Variants in GINS2 observed in about 807,000 individuals in gnomAD.
The protein encoded by GINS2 is GINS complex subunit 2.
A neutral mutation model predicts 21.2 loss-of-function variants in GINS2; 23 were observed. The observed-to-expected ratio is 1.08, with a 90% confidence interval of 0.78 to 1.53. GINS2 has a LOEUF of 1.53. Among genes scored for constraint, GINS2 ranks in the 40% most tolerant of loss-of-function variants. The probability of loss-of-function intolerance (pLI) is 0.00; values close to 1 mark genes in which losing one functional copy is unlikely to be tolerated. For missense variants in GINS2, 323 were observed against 233.9 expected (o/e 1.38, Z -2.49); for synonymous variants, 118 against 85.6 (o/e 1.38, Z -2.09).
intron 3 of GINS2, among the ~76,000 whole-genome samples, chr16:85,680,182 G>A (rs890168572): frequency 3.3e-5 from 5 of 152,152 alleles, no homozygotes; most frequent in Non-Finnish European, 4.4e-5. Context: ...TGGGACAAAC[G>A]CCACTGCCGA....
chr16:85,687,721 G>C, intron 1 of GINS2, 147 bp from the exon 2 acceptor site: 8 of 535,160 alleles, frequency 1.5e-5, no homozygotes, highest in South Asian at 1.4e-4. Context: ...ACCAGACTCA[G>C]AACAAAGCGC....
intron 2 of GINS2, among the ~76,000 whole-genome samples, chr16:85,686,213 GACCA>G (rs1340635307): frequency 6.6e-6 from 1 of 152,132 alleles, no homozygotes; most frequent in African/African-American, 2.4e-5. Context: ...AGGAGATTGA[GACCA>G]ACCTGGCTAA....
At chr16:85,688,711 G>C (rs1344092940) in intron 1 of GINS2, 98 bp downstream of exon 1, 2 of 559,388 alleles carry the variant, frequency 3.6e-6, no homozygotes, top group Non-Finnish European at 5.9e-6. Flanking sequence ...GCAGATGCGG[G>C]AGCAGGGCGA....
chr16:85,688,388 A>C (rs1315958676), intron 1 of GINS2, among the ~76,000 whole-genome samples: 1 of 151,188 alleles, frequency 6.6e-6, no homozygotes, highest in Non-Finnish European at 1.5e-5. Flanking sequence ...TCTACCAAAA[A>C]TACAAAAATG....
In GINS2 at chr16:85,678,654, G is replaced by A. The variant is rs747349450; in HGVS notation, c.318C>T (p.Asn106=). 21 of 1,613,604 alleles carry A rather than the reference G, an allele frequency of 1.3e-5. No homozygotes were observed. The highest frequency in any genetic ancestry group is 3.3e-4 in the Middle Eastern group (2 of 6,084). The change falls in exon 4 of 5, where the codon AAC becomes AAT. Residue 106 remains asparagine, a synonymous_variant. Coordinates refer to ENST00000253462, the MANE Select transcript of GINS2 (RefSeq NM_016095.3). The part of the protein sequence containing the change: ...TKLLLNHASD[N]IPKADEIRTL... Reference sequence around the variant, plus strand: ...TCCGGATTTCGTCTGCCTTCGGGATGTTGTCTGAAGCACTAAAGGAGCAAG... The same window carrying A: ...TCCGGATTTCGTCTGCCTTCGGGATATTGTCTGAAGCACTAAAGGAGCAAG...
chr16:85,686,745 A>T (rs1189322897), intron 2 of GINS2, among the ~76,000 whole-genome samples: 2 of 152,266 alleles, frequency 1.3e-5, no homozygotes, highest in Non-Finnish European at 2.9e-5. Flanking sequence ...TCATCCACGC[A>T]GTAGCATGTA....
In GINS2 at chr16:85,679,131, C is replaced by G. The variant is rs79995374; in HGVS notation, c.306-465G>C. Among the ~76,000 whole-genome samples, 65 of 152,330 alleles carry G rather than the reference C, an allele frequency of 4.3e-4. 1 individual carries two copies. Among genetic ancestry groups the G allele is most frequent in the African/African-American group, 1.5e-3 (62 of 41,564 alleles). On this transcript the variant is annotated intron_variant, in intron 3 of 4. Transcript: ENST00000253462. ...AGCCTAGAGAAGGAAAACGCCAACTCCATGCCAGGTACTGGGCTCAGCACT... is the reference window on the plus strand; with the variant it reads ...AGCCTAGAGAAGGAAAACGCCAACTGCATGCCAGGTACTGGGCTCAGCACT...
At chr16:85,687,633 T>A in intron 1 of GINS2, 59 bp from the exon 2 acceptor site, 1 of 945,722 alleles carries the variant, frequency 1.1e-6, no homozygotes, top group Non-Finnish European at 1.6e-6. Flanking sequence ...AGCATTACTG[T>A]GCGTTACTGC....
At chr16:85,680,571 C>T (rs191255850) in intron 3 of GINS2, among the ~76,000 whole-genome samples, 6 of 152,124 alleles carry the variant, frequency 3.9e-5, no homozygotes, top group African/African-American at 7.2e-5. Context: ...CATATGCATA[C>T]GAGACCCAGC....
intron 2 of GINS2, among the ~76,000 whole-genome samples, chr16:85,681,937 G>C (rs1258883100): frequency 1.3e-5 from 2 of 151,348 alleles, no homozygotes; most frequent in African/African-American, 4.9e-5. Flanking sequence ...AACAATGTTA[G>C]AGTCAAAAGT....
chr16:85,680,600 G>T (rs1310182227), intron 3 of GINS2, among the ~76,000 whole-genome samples: 1 of 151,952 alleles, frequency 6.6e-6, no homozygotes, highest in East Asian at 1.9e-4. Context: ...ATTTAGAATG[G>T]GTACATGTGA....
At position 85,676,884 on chromosome 16, in the gene GINS2, G is replaced by C. The variant is rs759651718; in HGVS notation, c.*1328C>G. The C allele has an allele frequency of 6.6e-6, 1 of 152,178 alleles. No homozygotes were observed. The highest frequency in any genetic ancestry group is 6.5e-5 in the Admixed American group (1 of 15,280). 9.4% of individuals were successfully genotyped at this position (152,178 alleles called of 1,614,324 possible). ...AAAAGTTAAAATTTTTTTTGTTTGA[G>C]ACAGAGTCTTGCTCTCGTTGCCCAG... On this transcript the variant is annotated 3_prime_UTR_variant, in exon 5 of 5. Transcript: ENST00000253462.
Position 85,687,570 on chromosome 16 carries a change from T to TC in GINS2, c.94dup (p.Asp32GlyfsTer6). 1 of 1,544,718 alleles carries TC rather than the reference T, an allele frequency of 6.5e-7. No individual in the cohort carries two copies. Among genetic ancestry groups the TC allele is most frequent in the Non-Finnish European group, 8.7e-7 (1 of 1,147,326 alleles). ...TAAACCAGGGTTAAAAGGCCCCAGG[T>TC]CCCCCTGCCAAAAGTAAAACAATTC... On this transcript the variant is annotated frameshift_variant, in exon 2 of 5. Transcript: ENST00000253462. LOFTEE classifies it high-confidence loss of function.
At chr16:85,678,991 C>A (rs772913776) in intron 3 of GINS2, among the ~76,000 whole-genome samples, 1 of 152,192 alleles carries the variant, frequency 6.6e-6, no homozygotes, top group African/African-American at 2.4e-5. Context: ...GCTGCCTAAC[C>A]TCCATCTACA....
At chr16:85,679,271 G>A (rs917698584) in intron 3 of GINS2, among the ~76,000 whole-genome samples, 1 of 152,224 alleles carries the variant, frequency 6.6e-6, no homozygotes, top group Admixed American at 6.5e-5. Context: ...TTAGTATACA[G>A]TGAGCACACC....
chr16:85,678,625 AG>A lies in GINS2; in HGVS notation c.346del (p.Leu116TrpfsTer10). 1 of 1,613,862 alleles carries A rather than the reference AG, an allele frequency of 6.2e-7. No homozygotes were observed. The highest frequency in any genetic ancestry group is 8.5e-7 in the Non-Finnish European group (1 of 1,179,932). On this transcript the variant is annotated frameshift_variant, in exon 4 of 5. Transcript: ENST00000253462. LOFTEE classifies it high-confidence loss of function. ...NIPKADEIRT[L>X]VKDMWDTRIA... The stretch of plus-strand genomic sequence containing the variant: ...ACGAGTGTCCCACATATCCTTGACC[AG>A]GGTCCGGATTTCGTCTGCCTTCGGG...
intron 1 of GINS2, among the ~76,000 whole-genome samples, chr16:85,688,460 C>T (rs2053798919): frequency 1.3e-5 from 2 of 152,144 alleles, no homozygotes; most frequent in African/African-American, 4.8e-5. Flanking sequence ...GCAGGAGAAT[C>T]GCTTGAACCC....
chr16:85,681,403 C>T (rs977240059), intron 3 of GINS2, among the ~76,000 whole-genome samples, 179 bp downstream of exon 3: 2 of 152,216 alleles, frequency 1.3e-5, no homozygotes, highest in African/African-American at 4.8e-5. Flanking sequence ...AGACAGAGTG[C>T]ACCTGGCAGG....
chr16:85,688,912 G>T lies in GINS2; in HGVS notation c.-14C>A. The T allele has an allele frequency of 6.6e-7, 1 of 1,524,528 alleles. No individual in the cohort carries two copies. Among genetic ancestry groups the T allele is most frequent in the African/African-American group, 1.4e-5 (1 of 71,516 alleles). 94.4% of individuals were successfully genotyped at this position (1,524,528 alleles called of 1,614,324 possible). A position where few individuals can be genotyped will look rare whatever the true frequency, so the allele number is the denominator to read the frequency against. On this transcript the variant is annotated 5_prime_UTR_variant, in exon 1 of 5. Coordinates refer to ENST00000253462, the MANE Select transcript of GINS2 (RefSeq NM_016095.3). The stretch of plus-strand genomic sequence containing the variant: ...GGCAGCGTCCATGGCGGCGCGAGCT[G>T]CAGGCCAGAGCCTCACGGTCTCCTC...
Sources: gnomAD v4.1 joint callset for allele counts (sites outside exome capture counted in the v4.1 genomes callset) on GRCh38, gnomAD v4.1.1 for gene constraint, MANE v1.5 for transcripts, NCBI Gene and HGNC (gene_info 2026-07-23, HGNC 2026-07-21) for gene names.